Variants in TNS1 observed in about 807,000 individuals in gnomAD.
TNS1 encodes the protein tensin 1.
In TNS1, 62 loss-of-function variants were observed where a neutral mutation model predicts 168.6. The observed-to-expected ratio is 0.37, with a 90% CI of 0.30 to 0.45. The LOEUF (loss-of-function observed/expected upper bound fraction) is 0.45, where lower values mean the gene tolerates loss of function less well. Among genes scored for constraint, TNS1 ranks in the 20% least tolerant of loss-of-function variants. TNS1 has a pLI of 1.00. For synonymous variants in TNS1, 934 were observed against 933.2 expected, an observed-to-expected ratio of 1.00 and a Z score of -0.02; for missense variants, 2,240 against 2,339.4, an observed-to-expected ratio of 0.96 and a Z score of 0.88.
At chr2:217,900,350 C>T in intron 7 of TNS1, 113 bp downstream of exon 7, 4 of 1,238,084 alleles carry the variant, frequency 3.2e-6, no homozygotes, top group Non-Finnish European at 4.5e-6. Flanking sequence ...ACACTCCCCA[C>T]CCGTGGCTTT....
intron 1 of TNS1, among the ~76,000 whole-genome samples, chr2:218,001,607 C>G (rs1199716288): frequency 6.6e-6 from 1 of 152,190 alleles, no homozygotes; most frequent in African/African-American, 2.4e-5. Flanking sequence ...GATGTCAACA[C>G]CAGCCCAGTA....
At chr2:217,907,464 G>A (rs1453632418) in intron 4 of TNS1, among the ~76,000 whole-genome samples, 2 of 152,218 alleles carry the variant, frequency 1.3e-5, no homozygotes, top group Non-Finnish European at 2.9e-5. Flanking sequence ...AGAACCATCT[G>A]GTTCCACAAA....
chr2:217,890,799 G>T, intron 12 of TNS1, 163 bp downstream of exon 12: 1 of 692,012 alleles, frequency 1.4e-6, no homozygotes, highest in Non-Finnish European at 2.5e-6. Flanking sequence ...GGGCTCTCCT[G>T]TGTGCCTGAG....
intron 2 of TNS1, among the ~76,000 whole-genome samples, chr2:217,988,462 C>G (rs936225791): frequency 6.6e-6 from 1 of 152,170 alleles, no homozygotes; most frequent in Non-Finnish European, 1.5e-5. Flanking sequence ...CTGCCCCCAC[C>G]CCCAGACTGC....
intron 1 of TNS1, among the ~76,000 whole-genome samples, chr2:218,019,094 C>CA (rs111392370): frequency 0.037 from 5,392 of 146,534 alleles, 173 homozygotes; most frequent in African/African-American, 0.086. Flanking sequence ...AAAGAAAAAA[C>CA]AAAAAAAAAA....
chr2:217,810,314 T>C lies in TNS1; in HGVS notation c.5038A>G (p.Thr1680Ala). Residue 1680 changes from threonine (T) to alanine (A), a missense_variant, in exon 29 of 33, where the codon ACA becomes GCA. This residue lies in a region of TNS1 where 2,131 missense variants were observed against 2,171.2 expected (regional missense o/e 0.98). Transcript: ENST00000682258. ...CCGGAGCTATCTTTCGATTCATCTG[T>C]GGGGTCTAAGACAAAAATTCAGTAG... ...CKLVIPNRDP[T>A]DESKDSSGPA... The C allele has an allele frequency of 6.2e-7, 1 of 1,614,156 alleles. No homozygotes were observed. Among genetic ancestry groups the C allele is most frequent in the Non-Finnish European group, 8.5e-7 (1 of 1,180,020 alleles).
At position 218,002,940 on chromosome 2, in the gene TNS1, C is replaced by T. The variant is rs998632522; in HGVS notation, c.-68G>A. ...AGAGCCCCTGAAGCTAGAGTCCCCGCGGCGCTGGCAGAAGGGCTCTCTGAG... is the reference window on the plus strand; with the variant it reads ...AGAGCCCCTGAAGCTAGAGTCCCCGTGGCGCTGGCAGAAGGGCTCTCTGAG... On this transcript the variant is annotated 5_prime_UTR_variant, in exon 1 of 33. Coordinates refer to ENST00000682258, the MANE Select transcript of TNS1 (RefSeq NM_001387777.1). 1.1e-5 allele frequency: 5 copies of T among 456,248 alleles called. No homozygotes were observed. The highest frequency in any genetic ancestry group is 4.7e-5 in the Admixed American group (2 of 42,542). 28.3% of individuals were successfully genotyped at this position (456,248 alleles called of 1,614,324 possible).
At chr2:217,893,367 CAGGCACACACACATGT>C in intron 10 of TNS1, 56 bp downstream of exon 10, 1 of 1,508,988 alleles carries the variant, frequency 6.6e-7, no homozygotes, top group Non-Finnish European at 8.9e-7. Flanking sequence ...AGGACACATT[CAGGCACACACACATGT>C]GCGCATGTGC....
At chr2:217,914,479 G>C (rs745788392) in intron 4 of TNS1, among the ~76,000 whole-genome samples, 1 of 151,316 alleles carries the variant, frequency 6.6e-6, no homozygotes, top group Non-Finnish European at 1.5e-5. Context: ...ATACCTGATA[G>C]GTATCAGTAA....
intron 3 of TNS1, among the ~76,000 whole-genome samples, chr2:217,923,939 T>C (rs1955871260): frequency 6.6e-6 from 1 of 152,160 alleles, no homozygotes; most frequent in African/African-American, 2.4e-5. Flanking sequence ...CAAAGGTCCC[T>C]GAGCACAATG....
chr2:217,848,968 T>C lies in TNS1; in HGVS notation c.1549A>G (p.Thr517Ala), dbSNP rs772420428. 6.2e-7 allele frequency: 1 copy of C among 1,613,624 alleles called. No homozygotes were observed. Among genetic ancestry groups the C allele is most frequent in the East Asian group, 2.2e-5 (1 of 44,852 alleles). ...VNATRPTLSA[T>A]PNHVEHTLSV... Reference sequence around the variant, plus strand: ...AGCGTGTGTTCCACGTGGTTGGGGGTGGCCGACAGTGTAGGACGTGTGGCA... The same window carrying C: ...AGCGTGTGTTCCACGTGGTTGGGGGCGGCCGACAGTGTAGGACGTGTGGCA... Residue 517 changes from threonine (T) to alanine (A), a missense_variant, in exon 19 of 33, where the codon ACC (threonine) becomes GCC (alanine). Thr to Ala is a moderately conservative substitution (Grantham distance 58, BLOSUM62 0). Coordinates refer to ENST00000682258, the MANE Select transcript of TNS1 (RefSeq NM_001387777.1).
intron 18 of TNS1, among the ~76,000 whole-genome samples, chr2:217,855,428 C>A (rs1948014752): frequency 6.6e-6 from 1 of 152,238 alleles, no homozygotes; most frequent in Non-Finnish European, 1.5e-5. Flanking sequence ...CTCAGGTAAA[C>A]CTCTACGGTG....
At chr2:217,907,453 T>C (rs113435494) in intron 4 of TNS1, among the ~76,000 whole-genome samples, 60 of 152,354 alleles carry the variant, frequency 3.9e-4, no homozygotes, top group African/African-American at 1.4e-3. Flanking sequence ...CTAATAGTGC[T>C]AGAACCATCT....
chr2:218,025,603 C>CA (rs908084054), intron 1 of TNS1, among the ~76,000 whole-genome samples: 1 of 151,290 alleles, frequency 6.6e-6, no homozygotes, highest in African/African-American at 2.4e-5. Flanking sequence ...CAGACCCCCC[C>CA]ACAGGCTTGT....
At chr2:217,968,497 C>T (rs535552540) in intron 3 of TNS1, among the ~76,000 whole-genome samples, 2 of 151,546 alleles carry the variant, frequency 1.3e-5, no homozygotes, top group South Asian at 2.1e-4. Flanking sequence ...AATGAAAGAC[C>T]TAAAAATGAA....
upstream of TNS1, among the ~76,000 whole-genome samples, chr2:218,014,870 CGGAAGGAAGGAAGGAA>C (rs56964991): frequency 2.4e-4 from 24 of 98,110 alleles, no homozygotes; most frequent in South Asian, 1.1e-3. Context: ...GAAGGAAGGA[CGGAAGGAAGGAAGGAA>C]GGAAGGAAGG....
At chr2:217,911,222 C>A (rs910136525) in intron 4 of TNS1, among the ~76,000 whole-genome samples, 1 of 152,182 alleles carries the variant, frequency 6.6e-6, no homozygotes. Context: ...CCTTACCTCC[C>A]AGGAGGGACA....
At position 217,818,208 on chromosome 2, in the gene TNS1, C is replaced by T. The variant is rs1176354846; in HGVS notation, c.4124G>A (p.Ser1375Asn). The T allele has an allele frequency of 1.9e-6, 3 of 1,613,830 alleles. No homozygotes were observed. The highest frequency in any genetic ancestry group is 2.5e-6 in the Non-Finnish European group (3 of 1,179,944). ...GTGAGCCCCAGGGTGCCGGCCCAGG[C>T]TGGGACTCCCCGGGGTGGTGGCCAC... ...NKVATTPGSPSLGRHPGAHQG... is the reference protein window; with the variant it reads ...NKVATTPGSPNLGRHPGAHQG... The change falls in exon 24 of 33, where the codon AGC becomes AAC. Residue 1375 changes from serine (S) to asparagine (N), a missense_variant. This residue lies in a region of TNS1 where 2,131 missense variants were observed against 2,171.2 expected (regional missense o/e 0.98). Transcript: ENST00000682258.
chr2:217,927,166 G>A (rs1315754141), intron 3 of TNS1, among the ~76,000 whole-genome samples: 1 of 152,230 alleles, frequency 6.6e-6, no homozygotes, highest in Non-Finnish European at 1.5e-5. Context: ...GAGTGGATAA[G>A]GTTTTGAAAG....
Sources: allele counts gnomAD v4.1 joint callset (sites outside exome capture counted in the v4.1 genomes callset), GRCh38; gene constraint gnomAD v4.1.1; regional missense constraint gnomAD v4.1.1; transcripts MANE v1.5; gene names NCBI Gene and HGNC (gene_info 2026-07-23, HGNC 2026-07-21).